Variants in GARS1 observed in about 807,000 individuals in gnomAD.
GARS1 encodes the protein glycine--tRNA ligase.
GARS1 carries 46 observed loss-of-function variants against 86.4 expected under a neutral mutation model. That is an observed-to-expected ratio of 0.53 (90% CI 0.42 to 0.68). GARS1 has a LOEUF of 0.68. Ranked by LOEUF, GARS1 falls within the 30% of genes least tolerant of loss-of-function variation. GARS1 has a pLI of 0.00. For missense variants in GARS1, 797 were observed against 915.6 expected (o/e 0.87, Z 1.67); for synonymous variants, 342 against 329.8 (o/e 1.04, Z -0.40).
chr7:30,609,094 C>T (rs904356231), intron 6 of GARS1, among the ~76,000 whole-genome samples: 5 of 152,152 alleles, frequency 3.3e-5, no homozygotes, highest in African/African-American at 9.7e-5. Flanking sequence ...CTTCTGTCTT[C>T]TAGGCGCTTA....
chr7:30,621,424 GT>G lies in GARS1; in HGVS notation c.1393del (p.Ser465ProfsTer17), dbSNP rs1584043536. The G allele has an allele frequency of 1.2e-6, 2 of 1,614,014 alleles. No homozygotes were observed. Among genetic ancestry groups the G allele is most frequent in the Middle Eastern group, 3.3e-4 (2 of 6,062 alleles). On this transcript the variant is annotated frameshift_variant, in exon 11 of 17. Transcript: ENST00000389266. LOFTEE classifies it high-confidence loss of function. ...ATTGAGATTGTTGGATGTGCTGATC[GT>G]TCCTGTTATGACCTCTCCTGTCATG... is the stretch of plus-strand genomic sequence containing the variant. ...GWIEIVGCADRSCYDLSCHAR... is the reference protein window; with the variant it reads ...GWIEIVGCADXSCYDLSCHAR...
intron 3 of GARS1, among the ~76,000 whole-genome samples, chr7:30,600,311 GTGTACTCA>G (rs375916051): frequency 7.9e-4 from 121 of 152,304 alleles, no homozygotes; most frequent in African/African-American, 2.8e-3. Flanking sequence ...TGATGTGTCT[GTGTACTCA>G]TGTACTCTTT....
At chr7:30,631,067 A>C (rs548896610) in intron 14 of GARS1, 1 of 210,710 alleles carries the variant, frequency 4.7e-6, no homozygotes, top group South Asian at 7.6e-5. Flanking sequence ...GTCTCCACAG[A>C]AAGTCTTTTA....
At chr7:30,613,920 GA>G (rs1247287224) in intron 8 of GARS1, among the ~76,000 whole-genome samples, 1 of 152,102 alleles carries the variant, frequency 6.6e-6, no homozygotes, top group African/African-American at 2.4e-5. Context: ...TGTTAGTTTA[GA>G]GGTATTAGAT....
Position 30,594,902 on chromosome 7 carries a change from C to A in GARS1, c.-20C>A. On this transcript the variant is annotated 5_prime_UTR_variant, in exon 1 of 17. Transcript: ENST00000389266. ...CGCTTCCGTCGCCACCCTCTCTGGA[C>A]AGCCCAGGGCCGCAGGCTCATGCCC... 1.9e-6 allele frequency: 3 copies of A among 1,540,630 alleles called. No individual in the cohort carries two copies. Among genetic ancestry groups the A allele is most frequent in the South Asian group, 1.2e-5 (1 of 84,460 alleles).
chr7:30,632,162 T>C lies in GARS1; in HGVS notation c.1904-85T>C. Reference sequence around the variant, plus strand: ...CTTGTCTTGGTCCCATTTATAAGTCTCCTGAGCTTGTAAGACAGTAGTTAG... The same window carrying C: ...CTTGTCTTGGTCCCATTTATAAGTCCCCTGAGCTTGTAAGACAGTAGTTAG... On this transcript the variant is annotated intron_variant, in intron 15 of 16. Coordinates refer to ENST00000389266, the MANE Select transcript of GARS1 (RefSeq NM_002047.4). This position sits in a 1 kb window ranked among gnomAD's most constrained non-coding sequence, Gnocchi z 4.1. 7.7e-7 allele frequency: 1 copy of C among 1,301,762 alleles called. No homozygotes were observed. Among genetic ancestry groups the C allele is most frequent in the Non-Finnish European group, 1.1e-6 (1 of 915,732 alleles). The allele number at this position is 1,301,762 out of a possible 1,614,324, so 80.6% of individuals were successfully genotyped here.
In GARS1 at chr7:30,631,299, A is replaced by G. The variant is rs1387712035; in HGVS notation, c.1810-149A>G. On this transcript the variant is annotated intron_variant, in intron 14 of 16. Coordinates refer to ENST00000389266, the MANE Select transcript of GARS1 (RefSeq NM_002047.4). Reference sequence around the variant, plus strand: ...GCTGGTTCTGCTTCTCTTTTGCCATACTGCTTTTCATGTCATGTTTTCTGG... The same window carrying G: ...GCTGGTTCTGCTTCTCTTTTGCCATGCTGCTTTTCATGTCATGTTTTCTGG... 5 of 608,172 alleles carry G rather than the reference A, an allele frequency of 8.2e-6. No individual in the cohort carries two copies. The East Asian group carries it at 1.3e-4, about 16-fold the overall frequency. 37.7% of individuals were successfully genotyped at this position (608,172 alleles called of 1,614,324 possible). A position where few individuals can be genotyped will look rare whatever the true frequency, so the allele number is the denominator to read the frequency against.
chr7:30,606,087 G>A (rs987913985), intron 6 of GARS1, among the ~76,000 whole-genome samples: 12 of 151,984 alleles, frequency 7.9e-5, no homozygotes, highest in African/African-American at 2.9e-4. Flanking sequence ...TTACGTTATT[G>A]TAGTGAGGTT....
chr7:30,617,333 G>A, intron 10 of GARS1, 55 bp downstream of exon 10: 1 of 1,576,180 alleles, frequency 6.3e-7, no homozygotes, highest in South Asian at 1.1e-5. Flanking sequence ...TAGAAGCACA[G>A]GTACCAAATG....
chr7:30,611,363 C>G (rs1024822849), intron 7 of GARS1, among the ~76,000 whole-genome samples: 3 of 152,186 alleles, frequency 2.0e-5, no homozygotes, highest in East Asian at 3.8e-4. Flanking sequence ...TGTGGGTTAA[C>G]AGGGCTAAAC....
rs928410877 is a variant in GARS1 at position 30,595,021 on chromosome 7, C to T, written c.100C>T (p.Arg34Trp). Residue 34 changes from arginine (R) to tryptophan (W), a missense_variant, in exon 1 of 17, where the codon CGG (arginine) becomes TGG (tryptophan). Arg to Trp is a moderately radical substitution (Grantham distance 101). This residue lies in a region of GARS1 where 199 missense variants were observed against 176.9 expected (regional missense o/e 1.12). Coordinates refer to ENST00000389266, the MANE Select transcript of GARS1 (RefSeq NM_002047.4). ...AGCCCGACCCTCGCTCCTGCTCCGC[C>T]GGTCCCTCAGCGCGGCCTCCTGCCC... ...LLARPSLLLR[R>W]SLSAASCPPI... The T allele has an allele frequency of 9.5e-6, 15 of 1,579,294 alleles. No individual in the cohort carries two copies. In the African/African-American group the frequency reaches 1.9e-4, roughly 20 times the overall value.
At chr7:30,600,659 G>C (rs1402717905) in intron 3 of GARS1, among the ~76,000 whole-genome samples, 1 of 152,202 alleles carries the variant, frequency 6.6e-6, no homozygotes, top group Non-Finnish European at 1.5e-5. Flanking sequence ...TTACCCTTTT[G>C]AGGTTAAATA....
intron 13 of GARS1, among the ~76,000 whole-genome samples, chr7:30,627,536 T>C (rs1385595036): frequency 6.6e-6 from 1 of 152,258 alleles, no homozygotes; most frequent in Non-Finnish European, 1.5e-5. Flanking sequence ...ATCTTAGACC[T>C]GGACATTGCT....
chr7:30,614,428 C>T (rs1315468056), intron 8 of GARS1: 2 of 152,160 alleles, frequency 1.3e-5, no homozygotes, highest in Non-Finnish European at 2.9e-5. Flanking sequence ...CAGTTGCTGT[C>T]AGCCCAATTA....
chr7:30,613,061 T>A (rs183823646), intron 8 of GARS1, among the ~76,000 whole-genome samples: 60 of 152,304 alleles, frequency 3.9e-4, no homozygotes, highest in African/African-American at 1.4e-3. Flanking sequence ...TCCTGTCTTC[T>A]CTTCTTACTC....
Position 30,621,666 on chromosome 7 carries a change from A to G in GARS1, c.1467+166A>G, listed in dbSNP as rs1313019147. ...TTACCTATCCCTTTGTTCCTTTCCT[A>G]TTCTCTGTACTTGTAGTCTGACGTG... On this transcript the variant is annotated intron_variant, in intron 11 of 16. Coordinates refer to ENST00000389266, the MANE Select transcript of GARS1 (RefSeq NM_002047.4). 13 of 676,306 alleles carry G rather than the reference A, an allele frequency of 1.9e-5. No homozygotes were observed. The East Asian group carries it at 2.4e-4, about 12-fold the overall frequency. 41.9% of individuals were successfully genotyped at this position (676,306 alleles called of 1,614,324 possible).
intron 13 of GARS1, 82 bp from the exon 14 acceptor site, chr7:30,628,478 G>C: frequency 9.6e-7 from 1 of 1,046,046 alleles, no homozygotes; most frequent in Non-Finnish European, 1.5e-6. Flanking sequence ...AGCCACCGCA[G>C]CTGGTGAATT....
At chr7:30,609,012 A>G (rs1562774956) in intron 6 of GARS1, among the ~76,000 whole-genome samples, 1 of 152,194 alleles carries the variant, frequency 6.6e-6, no homozygotes, top group African/African-American at 2.4e-5. Flanking sequence ...ATCATTTTAC[A>G]GGATTTGGCA....
At chr7:30,623,307 A>T (rs1271958005) in intron 12 of GARS1, among the ~76,000 whole-genome samples, 1 of 152,192 alleles carries the variant, frequency 6.6e-6, no homozygotes, top group Admixed American at 6.5e-5. Context: ...TAAGGATGTT[A>T]AAGCACTTAT....
Sources: gnomAD v4.1 joint callset for allele counts (sites outside exome capture counted in the v4.1 genomes callset) on GRCh38, gnomAD v4.1.1 for gene constraint, gnomAD v4.1.1 regional missense constraint, Gnocchi (gnomAD v3.1) non-coding constraint, MANE v1.5 for transcripts, NCBI Gene and HGNC (gene_info 2026-07-23, HGNC 2026-07-21) for gene names.